DSE: variants seen among roughly 807,000 people sequenced by gnomAD.
DSE encodes dermatan-sulfate epimerase.
In DSE, 36 loss-of-function variants were observed where a neutral mutation model predicts 84.4. The ratio of observed to expected loss-of-function variants is 0.43; its 90% CI spans 0.33 to 0.56. The LOEUF (loss-of-function observed/expected upper bound fraction) is 0.56, where lower values mean the gene tolerates loss of function less well. Ranked by LOEUF, DSE falls within the 20% of genes least tolerant of loss-of-function variation. The pLI, the probability that DSE is intolerant of heterozygous loss-of-function variation, is 0.06. For synonymous variants in DSE, 410 were observed against 430.1 expected (o/e 0.95, Z 0.58); for missense variants, 862 against 1,169.6 (o/e 0.74, Z 3.84).
At chr6:116,299,906 G>A (rs751571685) in intron 2 of DSE, among the ~76,000 whole-genome samples, 5 of 152,132 alleles carry the variant, frequency 3.3e-5, no homozygotes, top group African/African-American at 9.7e-5. Context: ...GATTGCTGGT[G>A]TTTTGGCAGT....
At chr6:116,310,827 C>T (rs1487273286) in intron 2 of DSE, among the ~76,000 whole-genome samples, 1 of 152,170 alleles carries the variant, frequency 6.6e-6, no homozygotes, top group African/African-American at 2.4e-5. Context: ...AAAATGAGAA[C>T]ATGTAATTTT....
intron 2 of DSE, among the ~76,000 whole-genome samples, chr6:116,342,561 G>A (rs1777675334): frequency 1.3e-5 from 2 of 152,192 alleles, no homozygotes; most frequent in Admixed American, 1.3e-4. Flanking sequence ...TTACAGGCAT[G>A]AGCCACCGCA....
intron 1 of DSE, among the ~76,000 whole-genome samples, chr6:116,376,593 G>A (rs750365082): frequency 2.0e-5 from 3 of 152,164 alleles, no homozygotes; most frequent in Non-Finnish European, 2.9e-5. Context: ...GATTACCACT[G>A]GATTTCCTTC....
intron 2 of DSE, among the ~76,000 whole-genome samples, chr6:116,307,459 A>G (rs1775422490): frequency 6.6e-6 from 1 of 152,246 alleles, no homozygotes; most frequent in Admixed American, 6.5e-5. Flanking sequence ...ATTTGGTTGA[A>G]AACATTCTGA....
intron 2 of DSE, among the ~76,000 whole-genome samples, chr6:116,271,147 T>C (rs1003071788): frequency 1.4e-4 from 22 of 152,214 alleles, no homozygotes; most frequent in African/African-American, 5.1e-4. Context: ...TGGTAACAAT[T>C]AAGGAAACTG....
chr6:116,337,544 A>G (rs899481836), intron 2 of DSE, among the ~76,000 whole-genome samples: 7 of 152,052 alleles, frequency 4.6e-5, no homozygotes, highest in Admixed American at 3.9e-4. Flanking sequence ...TCCAGGAGGC[A>G]GAGTTTGCAG....
At chr6:116,365,138 T>C (rs1583097169) in intron 2 of DSE, among the ~76,000 whole-genome samples, 1 of 151,216 alleles carries the variant, frequency 6.6e-6, no homozygotes, top group African/African-American at 2.4e-5. Flanking sequence ...TCACCCAGCC[T>C]ATTTAGTAAC....
intron 1 of DSE, among the ~76,000 whole-genome samples, chr6:116,397,304 G>A (rs1266580107): frequency 6.7e-6 from 1 of 148,654 alleles, no homozygotes; most frequent in African/African-American, 2.5e-5. Flanking sequence ...CGCCTCCCAG[G>A]TTCAAGCGAT....
intron 2 of DSE, among the ~76,000 whole-genome samples, chr6:116,348,550 T>C (rs530290125): frequency 6.6e-6 from 1 of 152,256 alleles, no homozygotes; most frequent in East Asian, 1.9e-4. Context: ...GTTCAACCAT[T>C]GTGGAAGACA....
At chr6:116,304,083 A>G (rs1775199928) in intron 2 of DSE, among the ~76,000 whole-genome samples, 1 of 151,228 alleles carries the variant, frequency 6.6e-6, no homozygotes, top group South Asian at 2.1e-4. Flanking sequence ...AGGTTGCACC[A>G]CTGCACTCCA....
chr6:116,308,919 G>A (rs925767786), intron 2 of DSE, among the ~76,000 whole-genome samples: 2 of 151,984 alleles, frequency 1.3e-5, no homozygotes, highest in South Asian at 2.1e-4. Flanking sequence ...GAATAAAAAC[G>A]GTATATAAAT....
chr6:116,330,765 A>G (rs1776888827), intron 2 of DSE, among the ~76,000 whole-genome samples: 1 of 152,218 alleles, frequency 6.6e-6, no homozygotes, highest in Admixed American at 6.5e-5. Context: ...TTTTCAGAAA[A>G]CAGAAAAACA....
intron 2 of DSE, among the ~76,000 whole-genome samples, chr6:116,315,614 C>G (rs143293244): frequency 6.6e-6 from 1 of 152,070 alleles, no homozygotes; most frequent in Non-Finnish European, 1.5e-5. Flanking sequence ...TCTAAAGCAC[C>G]GTGTTATACT....
At chr6:116,307,436 G>T (rs770604297) in intron 2 of DSE, among the ~76,000 whole-genome samples, 27 of 152,122 alleles carry the variant, frequency 1.8e-4, no homozygotes, top group African/African-American at 5.3e-4. Context: ...TCTTAATAAA[G>T]AATTTTGAAT....
At chr6:116,284,512 TTTATTA>T (rs1004346150) in intron 2 of DSE, among the ~76,000 whole-genome samples, 26 of 152,008 alleles carry the variant, frequency 1.7e-4, no homozygotes, top group Non-Finnish European at 3.1e-4. Flanking sequence ...CTTTCTTTTT[TTTATTA>T]TTATTATTAT....
intron 2 of DSE, among the ~76,000 whole-genome samples, chr6:116,286,253 A>G (rs928445918): frequency 4.6e-5 from 7 of 152,086 alleles, no homozygotes; most frequent in Non-Finnish European, 7.4e-5. Context: ...TGTAAGCTGG[A>G]TTCCTAGGTA....
intron 2 of DSE, among the ~76,000 whole-genome samples, chr6:116,262,481 G>C (rs1772453179): frequency 6.6e-6 from 1 of 151,998 alleles, no homozygotes; most frequent in Non-Finnish European, 1.5e-5. Context: ...TGTCACTTCT[G>C]ATTGTGTTTA....
intron 2 of DSE, among the ~76,000 whole-genome samples, chr6:116,352,914 CT>C (rs1778385383): frequency 6.6e-6 from 1 of 152,128 alleles, no homozygotes; most frequent in Admixed American, 6.5e-5. Flanking sequence ...TCCTTCCCCC[CT>C]CCTCCTTCCT....
intron 2 of DSE, among the ~76,000 whole-genome samples, chr6:116,327,426 T>C (rs752457190): frequency 3.3e-5 from 5 of 152,198 alleles, no homozygotes; most frequent in Non-Finnish European, 5.9e-5. Context: ...AGCTCCTACA[T>C]GTGACCTGGA....
Sources: allele counts gnomAD v4.1 joint callset (sites outside exome capture counted in the v4.1 genomes callset), GRCh38; gene constraint gnomAD v4.1.1; transcripts MANE v1.5; gene names NCBI Gene and HGNC (gene_info 2026-07-23, HGNC 2026-07-21).